Variants in PTPRD observed in about 807,000 individuals in gnomAD.
PTPRD encodes protein tyrosine phosphatase receptor type D.
Under a neutral mutation model 214.5 loss-of-function variants are expected in PTPRD, and 34 were observed. The ratio of observed to expected loss-of-function variants is 0.16; its 90% CI spans 0.12 to 0.21. PTPRD has a LOEUF of 0.21. PTPRD is among the 10% of genes least tolerant of loss of function. The pLI, the probability that PTPRD is intolerant of heterozygous loss-of-function variation, is 1.00. For missense variants in PTPRD, 2,545 were observed against 2,398.7 expected (o/e 1.06, Z -1.27); for synonymous variants, 1,128 against 845.7 (o/e 1.33, Z -5.79).
At chr9:9,451,501 T>C (rs2092163831) in intron 8 of PTPRD, among the ~76,000 whole-genome samples, 1 of 151,678 alleles carries the variant, frequency 6.6e-6, no homozygotes, top group Admixed American at 6.6e-5. Flanking sequence ...CTGGACAAAA[T>C]GCAACTTCAA....
At chr9:8,849,372 G>A (rs922223666) in intron 11 of PTPRD, among the ~76,000 whole-genome samples, 2 of 151,738 alleles carry the variant, frequency 1.3e-5, no homozygotes, top group Admixed American at 6.6e-5. Context: ...GACTACAGGC[G>A]CCCACCACCA....
chr9:9,403,290 C>CAAAAAAAAA (rs56105335), intron 8 of PTPRD, among the ~76,000 whole-genome samples: 2 of 60,640 alleles, frequency 3.3e-5, no homozygotes, highest in Admixed American at 2.4e-4. Flanking sequence ...TACTCTGTCT[C>CAAAAAAAAA]AAAAAAAAAA....
chr9:8,777,811 T>G (rs2095544362), intron 11 of PTPRD, among the ~76,000 whole-genome samples: 1 of 152,340 alleles, frequency 6.6e-6, no homozygotes, highest in Admixed American at 6.5e-5. Context: ...GGACCTAATT[T>G]TAGTGACTGG....
chr9:8,453,742 G>A (rs1308377996), intron 33 of PTPRD, among the ~76,000 whole-genome samples: 6 of 152,150 alleles, frequency 3.9e-5, no homozygotes, highest in Non-Finnish European at 8.8e-5. Context: ...ACAGCCTGGT[G>A]GGCCAATGCC....
chr9:8,910,195 C>T (rs142181464), intron 11 of PTPRD, among the ~76,000 whole-genome samples: 3,427 of 152,056 alleles, frequency 0.023, 56 homozygotes, highest in Non-Finnish European at 0.027. Flanking sequence ...CCCACAACCA[C>T]GCCTAGCTAG....
At chr9:9,161,845 A>G (rs1029580558) in intron 10 of PTPRD, among the ~76,000 whole-genome samples, 7 of 143,366 alleles carry the variant, frequency 4.9e-5, no homozygotes, top group East Asian at 2.1e-4. Flanking sequence ...ACATTACTGC[A>G]TAAGCTACAC....
chr9:8,893,774 A>C (rs1015983459), intron 11 of PTPRD, among the ~76,000 whole-genome samples: 1 of 152,174 alleles, frequency 6.6e-6, no homozygotes, highest in Non-Finnish European at 1.5e-5. Flanking sequence ...CAGAAGTTAA[A>C]ATGGACTAGG....
intron 4 of PTPRD, among the ~76,000 whole-genome samples, chr9:9,956,274 C>G (rs1334891437): frequency 7.9e-6 from 1 of 127,084 alleles, no homozygotes; most frequent in African/African-American, 2.9e-5. Context: ...TGATTAAAGT[C>G]AAACTTAAAA....
chr9:10,016,628 T>G (rs577046933), intron 4 of PTPRD, among the ~76,000 whole-genome samples: 2 of 151,716 alleles, frequency 1.3e-5, no homozygotes, highest in Admixed American at 6.6e-5. Flanking sequence ...TTATTTCTAG[T>G]GAAAATGCTA....
chr9:10,327,277 C>A (rs750641427), intron 3 of PTPRD, among the ~76,000 whole-genome samples: 1 of 150,280 alleles, frequency 6.7e-6, no homozygotes, highest in East Asian at 2.0e-4. Context: ...AGAGCTAATA[C>A]GAACCCTAAA....
intron 3 of PTPRD, among the ~76,000 whole-genome samples, chr9:10,250,810 A>G (rs1021450809): frequency 1.3e-5 from 2 of 151,856 alleles, no homozygotes; most frequent in African/African-American, 4.8e-5. Flanking sequence ...GTGGAATAAG[A>G]TATATGCATA....
At chr9:10,209,591 G>T (rs1044694410) in intron 3 of PTPRD, among the ~76,000 whole-genome samples, 2 of 151,784 alleles carry the variant, frequency 1.3e-5, no homozygotes, top group East Asian at 3.9e-4. Context: ...TTTTTTTTAA[G>T]TTGTTATAAC....
intron 8 of PTPRD, among the ~76,000 whole-genome samples, chr9:9,430,675 A>C (rs1242336203): frequency 6.6e-6 from 1 of 152,206 alleles, no homozygotes; most frequent in Non-Finnish European, 1.5e-5. Context: ...ACAGTAACCA[A>C]AACAGCATTG....
chr9:9,558,419 G>A (rs559292438), intron 8 of PTPRD, among the ~76,000 whole-genome samples: 16 of 152,174 alleles, frequency 1.1e-4, no homozygotes, highest in Admixed American at 9.8e-4. Context: ...CACCCCTTTG[G>A]CCGAGGGAGA....
At chr9:9,455,618 C>A (rs1185346887) in intron 8 of PTPRD, among the ~76,000 whole-genome samples, 1 of 151,460 alleles carries the variant, frequency 6.6e-6, no homozygotes, top group Non-Finnish European at 1.5e-5. Context: ...ATCATTTAAG[C>A]CTAAATGGAG....
chr9:9,873,416 A>T (rs1355971737), intron 5 of PTPRD, among the ~76,000 whole-genome samples: 1 of 152,144 alleles, frequency 6.6e-6, no homozygotes, highest in Non-Finnish European at 1.5e-5. Context: ...TACAAAAAAA[A>T]ATAATTATCC....
chr9:10,226,922 A>C (rs2099590802), intron 3 of PTPRD, among the ~76,000 whole-genome samples: 1 of 152,034 alleles, frequency 6.6e-6, no homozygotes. Context: ...TTTGGGGGGT[A>C]AATATAGAAT....
At chr9:10,261,752 T>C (rs143137773) in intron 3 of PTPRD, among the ~76,000 whole-genome samples, 1 of 152,144 alleles carries the variant, frequency 6.6e-6, no homozygotes, top group African/African-American at 2.4e-5. Flanking sequence ...TTCCTTGAAC[T>C]CAGCTCTCTT....
In PTPRD at chr9:8,552,731, G is replaced by A. The variant is rs181788195; in HGVS notation, c.353-23952C>T. ...TGCAACCCCAAGAATACCTACTCTC[G>A]CTTTGCCCTCTGTGGTGGATTGATA... On this transcript the variant is annotated intron_variant, in intron 14 of 45. Transcript: ENST00000381196. 4.5e-4 allele frequency among the ~76,000 whole-genome samples: 69 copies of A among 152,248 alleles called. 1 individual carries two copies. Among genetic ancestry groups the A allele is most frequent in the Non-Finnish European group, 8.4e-4 (57 of 68,022 alleles).
Sources: gnomAD v4.1 joint callset for allele counts (sites outside exome capture counted in the v4.1 genomes callset) on GRCh38, gnomAD v4.1.1 for gene constraint, MANE v1.5 for transcripts, NCBI Gene and HGNC (gene_info 2026-07-23, HGNC 2026-07-21) for gene names.